Variants in CDCA3 observed in about 807,000 individuals in gnomAD.
CDCA3 encodes the protein cell division cycle associated 3, also known as cell division cycle-associated protein 3.
CDCA3 carries 16 observed loss-of-function variants against 29.1 expected under a neutral mutation model. That is an observed-to-expected ratio of 0.55 (90% confidence interval 0.37 to 0.83). The LOEUF is 0.83. CDCA3 is among the 40% of genes least tolerant of loss of function. CDCA3 has a pLI of 0.00. For missense variants in CDCA3, 291 were observed against 327.2 expected (o/e 0.89, Z 0.85); for synonymous variants, 88 against 124.5 (o/e 0.71, Z 1.95).
chr12:6,845,833 A>C (rs782760944), downstream of CDCA3: 17 of 1,512,884 alleles, frequency 1.1e-5, no homozygotes, highest in Admixed American at 2.8e-4. Flanking sequence ...CTGCTTCCTC[A>C]GCTGGAAGGA....
chr12:6,850,681 C>T lies in CDCA3; in HGVS notation c.121-85G>A, dbSNP rs1943844588. The T allele has an allele frequency of 7.5e-6, 12 of 1,600,612 alleles. No individual in the cohort carries two copies. The South Asian group carries it at 1.1e-4, about 15-fold the overall frequency. On this transcript the variant is annotated intron_variant, in intron 2 of 5. Transcript: ENST00000538862. The surrounding 1 kb of genome is among the most constrained non-coding windows in gnomAD (Gnocchi z 4.7). ...ATATTCCAGGAAGGAATTGCCAAGG[C>T]CCTCAGATATCCAGCCTACCCCACA...
downstream of CDCA3, chr12:6,846,681 A>G: frequency 1.6e-6 from 1 of 629,598 alleles, no homozygotes; most frequent in Non-Finnish European, 2.8e-6. Flanking sequence ...CCCCCCACAC[A>G]CCCACATACA....
chr12:6,848,005 G>A (rs1943739912), downstream of CDCA3: 1 of 152,084 alleles, frequency 6.6e-6, no homozygotes, highest in Admixed American at 6.5e-5. Flanking sequence ...TGGAGTTTGA[G>A]ACAAGCCTGA....
downstream of CDCA3, chr12:6,845,661 C>T (rs1943678216): frequency 6.2e-7 from 1 of 1,614,020 alleles, no homozygotes. Flanking sequence ...GCGGGCAGAC[C>T]AGGAGCTGAT....
intron 1 of CDCA3, 45 bp from the exon 2 acceptor site, chr12:6,851,054 G>T (rs2138012041): frequency 1.4e-6 from 2 of 1,461,850 alleles, no homozygotes; most frequent in Non-Finnish European, 1.8e-6. Flanking sequence ...CTTCCACGTC[G>T]GACCTTCAAC....
chr12:6,847,677 G>T (rs184993852), downstream of CDCA3, among the ~76,000 whole-genome samples: 449 of 152,350 alleles, frequency 2.9e-3, 3 homozygotes, highest in Admixed American at 0.021. Context: ...TGTCAAGCCA[G>T]AGAGTCCAGA....
downstream of CDCA3, chr12:6,848,213 G>C (rs1478173975): frequency 6.6e-6 from 1 of 152,020 alleles, no homozygotes; most frequent in South Asian, 2.1e-4. Flanking sequence ...TTAGCCAGGC[G>C]TGGTGGCTCA....
At chr12:6,845,979 C>T (rs1555124631), downstream of CDCA3, 3 of 604,612 alleles carry the variant, frequency 5.0e-6, no homozygotes, top group African/African-American at 5.5e-5. Flanking sequence ...GGACTGTTTT[C>T]CCTCAGTGTT....
chr12:6,849,664 C>A lies in CDCA3; in HGVS notation c.445G>T (p.Val149Leu), dbSNP rs782576813. The A allele has an allele frequency of 6.2e-7, 1 of 1,614,084 alleles. No homozygotes were observed. Among genetic ancestry groups the A allele is most frequent in the Non-Finnish European group, 8.5e-7 (1 of 1,179,998 alleles). Residue 149 changes from valine (V) to leucine (L), a missense_variant, in exon 4 of 6, where the codon GTG becomes TTG. Transcript: ENST00000538862. The surrounding 1 kb of genome is among the most constrained non-coding windows in gnomAD (Gnocchi z 5.2). ...TGTCTTGCTTCCTCCTTGGAAAACACCTGTTTGGAGGGGAACTCAGTCTGG... is the reference window on the plus strand; with the variant it reads ...TGTCTTGCTTCCTCCTTGGAAAACAACTGTTTGGAGGGGAACTCAGTCTGG... ...WNQTEFPSKQVFSKEEARQPT... is the reference protein window; with the variant it reads ...WNQTEFPSKQLFSKEEARQPT...
rs1044790970 is a variant in CDCA3 at position 6,851,241 on chromosome 12, T to A, written c.-77A>T. 16 of 1,199,936 alleles carry A rather than the reference T, an allele frequency of 1.3e-5. No individual in the cohort carries two copies. Among genetic ancestry groups the A allele is most frequent in the Middle Eastern group, 3.3e-4 (1 of 3,002 alleles). The allele number at this position is 1,199,936 out of a possible 1,614,324, so 74.3% of individuals were successfully genotyped here. A position where few individuals can be genotyped will look rare whatever the true frequency, so the allele number is the denominator to read the frequency against. The stretch of plus-strand genomic sequence containing the variant: ...ACTTACCGGGCCCCAATTCCACCTC[T>A]GGATGCACAACAGCTCGTGGCTCAA... On this transcript the variant is annotated 5_prime_UTR_variant, in exon 1 of 6. Coordinates refer to ENST00000538862, the MANE Select transcript of CDCA3 (RefSeq NM_031299.7).
chr12:6,850,834 T>C lies in CDCA3; in HGVS notation c.119A>G (p.Gln40Arg). 6.2e-7 allele frequency: 1 copy of C among 1,613,802 alleles called. No homozygotes were observed. Among genetic ancestry groups the C allele is most frequent in the Non-Finnish European group, 8.5e-7 (1 of 1,179,906 alleles). ...CTTTCCCACGCTGGCCCAGAGTACC[T>C]GGATGGGAGTGCGCAGGATGCCAGC... ...PSAGILRTPI[Q>R]VESSPQPGLP... Residue 40 changes from glutamine to arginine, a missense_variant and splice_region_variant, in exon 2 of 6, where the codon CAG (glutamine) becomes CGG (arginine). Physicochemically the swap from Gln to Arg is conservative, Grantham distance 43. Coordinates refer to ENST00000538862, the MANE Select transcript of CDCA3 (RefSeq NM_031299.7). This position sits in a 1 kb window ranked among gnomAD's most constrained non-coding sequence, Gnocchi z 4.7.
rs1041008194 is a variant in CDCA3 at position 6,850,251 on chromosome 12, C to T, written c.250+216G>A. 6.7e-6 allele frequency: 4 copies of T among 599,892 alleles called. No individual in the cohort carries two copies. The highest frequency in any genetic ancestry group is 4.5e-4 in the Middle Eastern group (1 of 2,202). The allele number at this position is 599,892 out of a possible 1,614,324, so 37.2% of individuals were successfully genotyped here. A position where few individuals can be genotyped will look rare whatever the true frequency, so the allele number is the denominator to read the frequency against. ...TAGGCTGGTCTTGAACTCCTGGGCT[C>T]AAGCGATCTGACCACCCCGGCCTTC... On this transcript the variant is annotated intron_variant, in intron 3 of 5. Transcript: ENST00000538862. The surrounding 1 kb of genome is among the most constrained non-coding windows in gnomAD (Gnocchi z 4.7).
rs782265791 is a variant in CDCA3 at position 6,849,049 on chromosome 12, C to T, written c.801G>A (p.Glu267=). Residue 267 remains glutamate, a synonymous_variant, in exon 6 of 6, where the codon GAG becomes GAA. Coordinates refer to ENST00000538862, the MANE Select transcript of CDCA3 (RefSeq NM_031299.7). This position sits in a 1 kb window ranked among gnomAD's most constrained non-coding sequence, Gnocchi z 5.2. The part of the protein sequence containing the change: ...DKENQHFPLV[E]S ...TGCTGGGGCCATGCAGGGCCTAGCT[C>T]TCCACCAAGGGAAAGTGCTGATTTT... The T allele has an allele frequency of 6.0e-6, 6 of 1,004,412 alleles. No homozygotes were observed. Among genetic ancestry groups the T allele is most frequent in the Admixed American group, 3.4e-5 (2 of 59,280 alleles). 62.2% of individuals were successfully genotyped at this position (1,004,412 alleles called of 1,614,324 possible).
chr12:6,850,667 A>G lies in CDCA3; in HGVS notation c.121-71T>C, dbSNP rs1943844203. The stretch of plus-strand genomic sequence containing the variant: ...CTCCTCTCCTCCCCATATTCCAGGA[A>G]GGAATTGCCAAGGCCCTCAGATATC... On this transcript the variant is annotated intron_variant, in intron 2 of 5. Transcript: ENST00000538862. This position sits in a 1 kb window ranked among gnomAD's most constrained non-coding sequence, Gnocchi z 4.7. The G allele has an allele frequency of 2.5e-6, 4 of 1,607,130 alleles. No individual in the cohort carries two copies. Among genetic ancestry groups the G allele is most frequent in the Non-Finnish European group, 3.4e-6 (4 of 1,175,050 alleles).
Position 6,850,600 on chromosome 12 carries a change from T to C in CDCA3, c.121-4A>G, listed in dbSNP as rs200061658. The C allele has an allele frequency of 1.3e-4, 210 of 1,614,054 alleles. No homozygotes were observed. Among genetic ancestry groups the C allele is most frequent in the Non-Finnish European group, 1.7e-4 (199 of 1,179,984 alleles). On this transcript the variant is annotated splice_polypyrimidine_tract_variant and splice_region_variant and intron_variant, in intron 2 of 5. Transcript: ENST00000538862. This position sits in a 1 kb window ranked among gnomAD's most constrained non-coding sequence, Gnocchi z 4.7. ...CTGGCTGTGGAGAGCTCTCCACCTG[T>C]CAAGACCATAGGCTAGAACAAGTCT...
At position 6,849,869 on chromosome 12, in the gene CDCA3, AAAGTG is replaced by A; in HGVS notation, c.251-16_251-12del. ...GTGGGCTTGGGGGGTCTAGAGGAAG[AAAGTG>A]AAGTGAACAGTGACCTTCTGATACA... is the stretch of plus-strand genomic sequence containing the variant. On this transcript the variant is annotated splice_polypyrimidine_tract_variant and intron_variant, in intron 3 of 5. Transcript: ENST00000538862. The surrounding 1 kb of genome is among the most constrained non-coding windows in gnomAD (Gnocchi z 5.2). The A allele has an allele frequency of 6.6e-7, 1 of 1,515,152 alleles. No individual in the cohort carries two copies. Among genetic ancestry groups the A allele is most frequent in the East Asian group, 2.3e-5 (1 of 43,802 alleles). 93.9% of individuals were successfully genotyped at this position (1,515,152 alleles called of 1,614,324 possible). A position where few individuals can be genotyped will look rare whatever the true frequency, so the allele number is the denominator to read the frequency against.
At position 6,849,740 on chromosome 12, in the gene CDCA3, G is replaced by C. The variant is rs1943792447; in HGVS notation, c.369C>G (p.Asp123Glu). 1 of 1,613,702 alleles carries C rather than the reference G, an allele frequency of 6.2e-7. No homozygotes were observed. Among genetic ancestry groups the C allele is most frequent in the African/African-American group, 1.3e-5 (1 of 74,924 alleles). Residue 123 changes from aspartate to glutamate, a missense_variant, in exon 4 of 6, where the codon GAC (aspartate) becomes GAG (glutamate). Coordinates refer to ENST00000538862, the MANE Select transcript of CDCA3 (RefSeq NM_031299.7). This position sits in a 1 kb window ranked among gnomAD's most constrained non-coding sequence, Gnocchi z 5.2. ...CAGATAACTGGGTACCCAGAGGCAA[G>C]TCCAATTCAGAAGATAAAGGTGCCT... ...PPEAPLSSELDLPLGTQLSVE... is the reference protein window; with the variant it reads ...PPEAPLSSELELPLGTQLSVE...
chr12:6,845,936 C>A (rs1017383822), downstream of CDCA3: 4 of 675,022 alleles, frequency 5.9e-6, no homozygotes, highest in Non-Finnish European at 1.1e-5. Flanking sequence ...GTGACTCCAC[C>A]CCTGGAATCC....
chr12:6,850,446 T>A lies in CDCA3; in HGVS notation c.250+21A>T, dbSNP rs782608399. On this transcript the variant is annotated intron_variant, in intron 3 of 5. Transcript: ENST00000538862. The surrounding 1 kb of genome is among the most constrained non-coding windows in gnomAD (Gnocchi z 4.7). Reference sequence around the variant, plus strand: ...ATAATAGATGACAGCTTCATCAGCATTCCCTGGGCCCAACGCTTACCTCCA... The same window carrying A: ...ATAATAGATGACAGCTTCATCAGCAATCCCTGGGCCCAACGCTTACCTCCA... 6.2e-7 allele frequency: 1 copy of A among 1,613,540 alleles called. No individual in the cohort carries two copies. The highest frequency in any genetic ancestry group is 1.3e-5 in the African/African-American group (1 of 74,882).
Sources: allele counts gnomAD v4.1 joint callset (sites outside exome capture counted in the v4.1 genomes callset), GRCh38; gene constraint gnomAD v4.1.1; non-coding constraint Gnocchi (gnomAD v3.1); transcripts MANE v1.5; gene names NCBI Gene and HGNC (gene_info 2026-07-23, HGNC 2026-07-21).